Variants in GPR39 observed in about 807,000 individuals in gnomAD.
The protein encoded by GPR39 is zinc sensing receptor.
Under a neutral mutation model 18.4 loss-of-function variants are expected in GPR39, and 23 were observed. The ratio of observed to expected loss-of-function variants is 1.25; its 90% CI spans 0.90 to 1.77. The LOEUF is 1.77. GPR39 is among the 40% of genes most tolerant of loss of function. GPR39 has a pLI of 0.00. For synonymous variants in GPR39, 280 were observed against 257.9 expected (o/e 1.09, Z -0.82); for missense variants, 647 against 602.4 (o/e 1.07, Z -0.78).
At chr2:132,598,431 C>CT (rs34104835) in intron 1 of GPR39, among the ~76,000 whole-genome samples, 2,608 of 90,446 alleles carry the variant, frequency 0.029, 77 homozygotes, top group East Asian at 0.12. Flanking sequence ...CTAAGGTGAA[C>CT]TTTTTTTTTT....
chr2:132,448,579 C>T (rs895058461), intron 1 of GPR39, among the ~76,000 whole-genome samples: 4 of 152,198 alleles, frequency 2.6e-5, no homozygotes, highest in African/African-American at 9.7e-5. Flanking sequence ...CGAGTGCTGC[C>T]TGCAATGATG....
At chr2:132,429,055 T>G (rs972169258) in intron 1 of GPR39, among the ~76,000 whole-genome samples, 5 of 152,226 alleles carry the variant, frequency 3.3e-5, no homozygotes, top group African/African-American at 1.2e-4. Flanking sequence ...TCTATGATTT[T>G]GCTGCCAGGG....
chr2:132,556,990 A>AG (rs1680163487), intron 1 of GPR39, among the ~76,000 whole-genome samples: 1 of 152,112 alleles, frequency 6.6e-6, no homozygotes, highest in Non-Finnish European at 1.5e-5. Context: ...CACCTTGTAG[A>AG]GGGCTGTTTA....
rs1254786201 is a variant in GPR39 at position 132,492,517 on chromosome 2, TATATATACACC to T, written c.856+74627_856+74637del. The stretch of plus-strand genomic sequence containing the variant: ...CCATATATACACACCATATATACCA[TATATATACACC>T]ATATATATACACCATATATATACAC... On this transcript the variant is annotated intron_variant, in intron 1 of 1. Coordinates refer to ENST00000329321, the MANE Select transcript of GPR39 (RefSeq NM_001508.3). 3.3e-5 allele frequency among the ~76,000 whole-genome samples: 4 copies of T among 122,000 alleles called. No homozygotes were observed. The East Asian group carries it at 2.7e-3, about 81-fold the overall frequency. The allele number at this position is 122,000 out of a possible 152,430, so 80.0% of individuals were successfully genotyped here.
chr2:132,544,517 A>C (rs1303899105), intron 1 of GPR39, among the ~76,000 whole-genome samples: 2 of 152,152 alleles, frequency 1.3e-5, no homozygotes, highest in African/African-American at 4.8e-5. Flanking sequence ...GGAGACCCCC[A>C]GATGTCCATG....
chr2:132,607,687 T>C (rs181567093), intron 1 of GPR39, among the ~76,000 whole-genome samples: 131 of 152,366 alleles, frequency 8.6e-4, no homozygotes, highest in African/African-American at 3.0e-3. Context: ...TGTTGACTTA[T>C]GTTTCAAAGG....
intron 1 of GPR39, among the ~76,000 whole-genome samples, chr2:132,594,259 A>G (rs1238610463): frequency 1.3e-5 from 2 of 152,066 alleles, no homozygotes; most frequent in African/African-American, 4.8e-5. Flanking sequence ...GCTGTTAGAC[A>G]CCATTCATTA....
rs116602383 is a variant in GPR39, at chr2:132,416,948, G to A, written c.-95G>A. The A allele has an allele frequency of 1.5e-5, 21 of 1,443,120 alleles. No individual in the cohort carries two copies. The East Asian group carries it at 4.8e-4, about 33-fold the overall frequency. 89.4% of individuals were successfully genotyped at this position (1,443,120 alleles called of 1,614,324 possible). On this transcript the variant is annotated 5_prime_UTR_variant, in exon 1 of 2. Coordinates refer to ENST00000329321, the MANE Select transcript of GPR39 (RefSeq NM_001508.3). Reference sequence around the variant, plus strand: ...GAGTGAGATAAAATCGTGCGCCCACGCAGGTGAGTTTGCAGCCAAGAATTT... The same window carrying A: ...GAGTGAGATAAAATCGTGCGCCCACACAGGTGAGTTTGCAGCCAAGAATTT...
chr2:132,457,974 C>T (rs1483313931), intron 1 of GPR39, among the ~76,000 whole-genome samples: 1 of 152,246 alleles, frequency 6.6e-6, no homozygotes, highest in Non-Finnish European at 1.5e-5. Context: ...CTGCCAGTTG[C>T]TAAGACCTTG....
chr2:132,496,106 G>A (rs1004875747), intron 1 of GPR39, among the ~76,000 whole-genome samples: 1 of 152,176 alleles, frequency 6.6e-6, no homozygotes, highest in Non-Finnish European at 1.5e-5. Flanking sequence ...CCCTTCCAGA[G>A]ACTTGTAGCT....
intron 1 of GPR39, among the ~76,000 whole-genome samples, chr2:132,612,779 T>G (rs886883671): frequency 2.0e-5 from 3 of 152,250 alleles, no homozygotes; most frequent in African/African-American, 7.2e-5. Context: ...ATCATCATTC[T>G]TCATCTTAAA....
chr2:132,635,988 T>C (rs896419340), intron 1 of GPR39, among the ~76,000 whole-genome samples: 7 of 152,172 alleles, frequency 4.6e-5, no homozygotes, highest in African/African-American at 1.7e-4. Flanking sequence ...CTTCCCAGCC[T>C]CTGGAACTAG....
chr2:132,552,875 C>CAT (rs1281942011), intron 1 of GPR39, among the ~76,000 whole-genome samples: 15 of 100,796 alleles, frequency 1.5e-4, no homozygotes, highest in East Asian at 6.5e-4. Flanking sequence ...TATATATACA[C>CAT]ATATATATAT....
intron 1 of GPR39, among the ~76,000 whole-genome samples, chr2:132,596,883 T>C (rs1164029945): frequency 2.0e-5 from 3 of 152,224 alleles, no homozygotes; most frequent in Non-Finnish European, 4.4e-5. Context: ...TTGAGAACCA[T>C]TGCCTGGCTT....
chr2:132,417,295 A>G lies in GPR39; in HGVS notation c.253A>G (p.Ile85Val), dbSNP rs1372210973. 1 of 1,614,144 alleles carries G rather than the reference A, an allele frequency of 6.2e-7. No individual in the cohort carries two copies. The highest frequency in any genetic ancestry group is 2.2e-5 in the East Asian group (1 of 44,858). The part of the protein sequence containing the change: ...LACSDILVFL[I>V]GMPMEFYSII... ...TTGCTCGGACATCTTGGTGTTCCTC[A>G]TCGGCATGCCCATGGAGTTCTACAG... The change falls in exon 1 of 2, where the codon ATC becomes GTC. Residue 85 changes from isoleucine to valine, a missense_variant. By Grantham distance (29) the Ile-to-Val change is conservative. Transcript: ENST00000329321.
At chr2:132,471,941 G>C (rs190436180) in intron 1 of GPR39, among the ~76,000 whole-genome samples, 59 of 152,232 alleles carry the variant, frequency 3.9e-4, no homozygotes, top group Non-Finnish European at 5.7e-4. Context: ...ACTTCAGCAG[G>C]GATAGACCAA....
intron 1 of GPR39, among the ~76,000 whole-genome samples, chr2:132,418,124 G>A (rs1014208926): frequency 2.6e-5 from 4 of 152,186 alleles, no homozygotes; most frequent in Non-Finnish European, 5.9e-5. Flanking sequence ...AAAAGAGCAC[G>A]AGACCAGAAC....
intron 1 of GPR39, among the ~76,000 whole-genome samples, chr2:132,484,493 C>T (rs1321306882): frequency 1.3e-5 from 2 of 152,172 alleles, no homozygotes; most frequent in Non-Finnish European, 2.9e-5. Flanking sequence ...GCCATTAGTT[C>T]ATACAGCCCT....
chr2:132,567,783 A>G (rs1458201216), intron 1 of GPR39, among the ~76,000 whole-genome samples: 1 of 152,152 alleles, frequency 6.6e-6, no homozygotes, highest in African/African-American at 2.4e-5. Flanking sequence ...TTTAAAAACT[A>G]CTGATACTTG....
Sources: gnomAD v4.1 joint callset for allele counts (sites outside exome capture counted in the v4.1 genomes callset) on GRCh38, gnomAD v4.1.1 for gene constraint, MANE v1.5 for transcripts, NCBI Gene and HGNC (gene_info 2026-07-23, HGNC 2026-07-21) for gene names.